Variants in NLGN4Y observed in about 807,000 individuals in gnomAD.
NLGN4Y encodes the protein neuroligin-4, Y-linked.
NLGN4Y carries 4 observed loss-of-function variants against 8.4 expected under a neutral mutation model. That is an observed-to-expected ratio of 0.48 (90% CI 0.23 to 1.09). The LOEUF is 1.09. Among genes scored for constraint, NLGN4Y ranks in the 50% least tolerant of loss-of-function variants. NLGN4Y has a pLI of 0.19. For missense variants in NLGN4Y, 90 were observed against 192.3 expected (o/e 0.47, Z 3.15); for synonymous variants, 35 against 75.6 (o/e 0.46, Z 2.78).
chrY:14,633,455 G>A, intron 2 of NLGN4Y, among the ~76,000 whole-genome samples: 2 of 33,316 alleles, frequency 6.0e-5, no homozygotes, highest in African/African-American at 1.2e-4. Flanking sequence ...AGCCTCCCAC[G>A]TAGCTGGGAC....
intron 2 of NLGN4Y, among the ~76,000 whole-genome samples, chrY:14,706,871 T>C (rs2080880970): frequency 4.5e-4 from 10 of 22,014 alleles, no homozygotes; most frequent in Non-Finnish European, 1.0e-3. Context: ...TGATTGCGTG[T>C]GATGTGTATA....
intron 4 of NLGN4Y, among the ~76,000 whole-genome samples, chrY:14,769,795 A>G (rs1603503758): frequency 3.0e-5 from 1 of 33,305 alleles, no homozygotes; most frequent in African/African-American, 1.2e-4. Flanking sequence ...GCTAAGATCC[A>G]CTGACTTGAA....
chrY:14,759,885 A>T, intron 4 of NLGN4Y, among the ~76,000 whole-genome samples: 1 of 33,606 alleles, frequency 3.0e-5, no homozygotes, highest in African/African-American at 1.2e-4. Flanking sequence ...TTATATATAC[A>T]TGAGGTTATG....
chrY:14,574,673 T>C (rs2080289811), intron 1 of NLGN4Y, among the ~76,000 whole-genome samples: 1 of 33,683 alleles, frequency 3.0e-5, no homozygotes, highest in Admixed American at 2.7e-4. Flanking sequence ...TTGATGCAGT[T>C]TCTTCGTATC....
chrY:14,734,818 A>C (rs754185916), intron 4 of NLGN4Y, among the ~76,000 whole-genome samples: 9 of 34,048 alleles, frequency 2.6e-4, no homozygotes, highest in Non-Finnish European at 5.8e-4. Flanking sequence ...ATATAAAATC[A>C]ATGTATACTC....
At chrY:14,590,107 C>T in intron 1 of NLGN4Y, among the ~76,000 whole-genome samples, 19 of 34,464 alleles carry the variant, frequency 5.5e-4, no homozygotes, top group Admixed American at 5.0e-4. Context: ...CACGCCCACC[C>T]GGAACTCCAG....
At chrY:14,809,912 C>T in intron 4 of NLGN4Y, among the ~76,000 whole-genome samples, 1 of 33,624 alleles carries the variant, frequency 3.0e-5, no homozygotes, top group African/African-American at 1.2e-4. Context: ...TATTTTTATG[C>T]ATCAGAATAA....
At chrY:14,738,944 C>T in intron 4 of NLGN4Y, among the ~76,000 whole-genome samples, 2 of 32,485 alleles carry the variant, frequency 6.2e-5, no homozygotes, top group Non-Finnish European at 7.5e-5. Flanking sequence ...TTGTAACAAC[C>T]AACCACATTG....
intron 3 of NLGN4Y, among the ~76,000 whole-genome samples, chrY:14,720,967 T>C: frequency 3.0e-5 from 1 of 33,674 alleles, no homozygotes; most frequent in Admixed American, 2.7e-4. Context: ...TATACTGCTC[T>C]AATTTGTATC....
intron 2 of NLGN4Y, among the ~76,000 whole-genome samples, chrY:14,698,115 A>G (rs2080837674): frequency 3.0e-5 from 1 of 33,684 alleles, no homozygotes; most frequent in African/African-American, 1.1e-4. Context: ...ATTCATGCAC[A>G]TGAGTATTTT....
At chrY:14,760,077 A>C in intron 4 of NLGN4Y, among the ~76,000 whole-genome samples, 1 of 33,179 alleles carries the variant, frequency 3.0e-5, no homozygotes, top group African/African-American at 1.2e-4. Context: ...TCAATAAATA[A>C]TGGCCCTTGT....
intron 4 of NLGN4Y, among the ~76,000 whole-genome samples, chrY:14,755,556 A>G (rs749417112): frequency 7.0e-4 from 24 of 34,215 alleles, no homozygotes; most frequent in Admixed American, 1.3e-3. Context: ...CCAGGCCAGG[A>G]ACAGAGTCTC....
At chrY:14,785,279 CCT>C (rs2042958656) in intron 4 of NLGN4Y, among the ~76,000 whole-genome samples, 1 of 33,499 alleles carries the variant, frequency 3.0e-5, no homozygotes, top group Non-Finnish European at 7.4e-5. Context: ...GTCTTAGTCC[CCT>C]CTCTGTTTCC....
At chrY:14,708,609 T>A in intron 2 of NLGN4Y, among the ~76,000 whole-genome samples, 1 of 33,439 alleles carries the variant, frequency 3.0e-5, no homozygotes, top group Non-Finnish European at 7.4e-5. Flanking sequence ...AATGCCTTTC[T>A]TAGGAAATAT....
At position 14,826,455 on chromosome Y, in the gene NLGN4Y, G is replaced by A. The variant is rs774113847; in HGVS notation, c.871+2082G>A. Among the ~76,000 whole-genome samples, 27 of 29,422 alleles carry A rather than the reference G, an allele frequency of 9.2e-4. No homozygotes were observed. The East Asian group carries it at 0.01, about 11-fold the overall frequency. 78.9% of individuals were successfully genotyped at this position (29,422 alleles called of 37,273 possible). ...CCCAGTTTTAAAATGATTGTCCTGC[G>A]TCAGCTTCCCAAGTAGCTGGGCTTA... On this transcript the variant is annotated intron_variant, in intron 5 of 6. Transcript: ENST00000684976.
chrY:14,784,523 G>A (rs983555573), intron 4 of NLGN4Y, among the ~76,000 whole-genome samples: 4 of 32,378 alleles, frequency 1.2e-4, no homozygotes, highest in Admixed American at 2.8e-4. Flanking sequence ...AGCCGGGCGT[G>A]TTGGCGGGCG....
intron 2 of NLGN4Y, among the ~76,000 whole-genome samples, chrY:14,636,197 A>G: frequency 3.0e-5 from 1 of 33,880 alleles, no homozygotes; most frequent in Admixed American, 2.7e-4. Flanking sequence ...CAGGATTCAT[A>G]AGTGGAATTT....
At chrY:14,725,714 C>G (rs2080953312) in intron 4 of NLGN4Y, among the ~76,000 whole-genome samples, 1 of 33,567 alleles carries the variant, frequency 3.0e-5, no homozygotes, top group East Asian at 7.9e-4. Flanking sequence ...AAATGAATGG[C>G]CTTGTAATGC....
At chrY:14,643,717 G>A in intron 2 of NLGN4Y, among the ~76,000 whole-genome samples, 1 of 33,615 alleles carries the variant, frequency 3.0e-5, no homozygotes, top group African/African-American at 1.2e-4. Flanking sequence ...GAAAGTTTAG[G>A]TTTACTGTAG....
Sources: gnomAD v4.1 joint callset for allele counts (sites outside exome capture counted in the v4.1 genomes callset) on GRCh38, gnomAD v4.1.1 for gene constraint, MANE v1.5 for transcripts, NCBI Gene and HGNC (gene_info 2026-07-23, HGNC 2026-07-21) for gene names.